Variants in NRROS observed in about 807,000 individuals in gnomAD.
NRROS encodes the protein negative regulator of reactive oxygen species.
In NRROS, 6 loss-of-function variants were observed where a neutral mutation model predicts 12.0. The observed-to-expected ratio is 0.50, with a 90% CI of 0.27 to 0.98. The LOEUF (loss-of-function observed/expected upper bound fraction) is 0.98, where lower values mean the gene tolerates loss of function less well. Ranked by LOEUF, NRROS falls within the 50% of genes least tolerant of loss-of-function variation. NRROS has a pLI of 0.11. For missense variants in NRROS, 857 were observed against 888.2 expected (o/e 0.96, Z 0.45); for synonymous variants, 462 against 410.2 (o/e 1.13, Z -1.53).
chr3:196,642,140 A>T (rs1012290789), intron 1 of NRROS, among the ~76,000 whole-genome samples: 18 of 152,168 alleles, frequency 1.2e-4, no homozygotes, highest in Admixed American at 2.6e-4. Context: ...GAAAGCTCAG[A>T]GACGTGAAGG....
rs1220539526 is a variant in NRROS at position 196,654,858 on chromosome 3, C to T, written c.108+211C>T. ...GGGAAGAGCCAGGCAGTCCCTGCCC[C>T]GCCGTTCTCACGCCTGCTGAGGATA... On this transcript the variant is annotated intron_variant, in intron 2 of 2. Transcript: ENST00000328557. The surrounding 1 kb of genome is among the most constrained non-coding windows in gnomAD (Gnocchi z 4.4). 14 of 543,472 alleles carry T rather than the reference C, an allele frequency of 2.6e-5. No individual in the cohort carries two copies. Among genetic ancestry groups the T allele is most frequent in the Middle Eastern group, 4.9e-4 (1 of 2,048 alleles). The allele number at this position is 543,472 out of a possible 1,614,324, so 33.7% of individuals were successfully genotyped here.
chr3:196,648,766 C>CAAAAAAAAAAAAA (rs34359599), intron 1 of NRROS, among the ~76,000 whole-genome samples: 1 of 74,814 alleles, frequency 1.3e-5, no homozygotes, highest in Non-Finnish European at 2.4e-5. Flanking sequence ...AACTCCATCT[C>CAAAAAAAAAAAAA]AAAAAAAAAA....
chr3:196,651,099 A>G (rs914998237), intron 1 of NRROS, among the ~76,000 whole-genome samples: 4 of 152,206 alleles, frequency 2.6e-5, no homozygotes, highest in African/African-American at 2.4e-5. Context: ...GGGATTTTGC[A>G]GAGAGATATG....
At position 196,660,927 on chromosome 3, in the gene NRROS, C is replaced by T. The variant is rs754736995; in HGVS notation, c.1284C>T (p.Ile428=). 6.2e-7 allele frequency: 1 copy of T among 1,614,234 alleles called. No individual in the cohort carries two copies. The highest frequency in any genetic ancestry group is 1.7e-5 in the Admixed American group (1 of 60,024). Residue 428 remains isoleucine, a synonymous_variant, in exon 3 of 3, where the codon ATC becomes ATT. Transcript: ENST00000328557. This position sits in a 1 kb window ranked among gnomAD's most constrained non-coding sequence, Gnocchi z 7.7. ...GCCTCTTCGCCAATGCTAGGAACAT[C>T]ACTACACTTGACATGAGCCACAATC... ...PPGLFANARN[I]TTLDMSHNQI... is the part of the protein sequence containing the mutation.
At position 196,660,008 on chromosome 3, in the gene NRROS, A is replaced by C. The variant is rs1282580444; in HGVS notation, c.365A>C (p.Glu122Ala). Residue 122 changes from glutamate (E) to alanine (A), a missense_variant, in exon 3 of 3, where the codon GAA (glutamate) becomes GCA (alanine). By Grantham distance (107) the Glu-to-Ala change is moderately radical. Transcript: ENST00000328557. This position sits in a 1 kb window ranked among gnomAD's most constrained non-coding sequence, Gnocchi z 7.7. ...LGDNCLSENY[E>A]ETAAALHALP... Reference sequence around the variant, plus strand: ...GACAACTGCCTCTCAGAGAACTACGAAGAGACGGCAGCCGCCCTCCACGCC... The same window carrying C: ...GACAACTGCCTCTCAGAGAACTACGCAGAGACGGCAGCCGCCCTCCACGCC... 1.2e-6 allele frequency: 2 copies of C among 1,613,518 alleles called. No individual in the cohort carries two copies. The highest frequency in any genetic ancestry group is 1.7e-6 in the Non-Finnish European group (2 of 1,179,956).
chr3:196,659,987 A>G lies in NRROS; in HGVS notation c.344A>G (p.Asn115Ser), dbSNP rs563388790. The part of the protein sequence containing the change: ...GHLRSLVLGD[N>S]CLSENYEETA... The stretch of plus-strand genomic sequence containing the variant: ...CTGCGCAGCCTGGTCCTGGGGGACA[A>G]CTGCCTCTCAGAGAACTACGAAGAG... Residue 115 changes from asparagine to serine, a missense_variant, in exon 3 of 3, where the codon AAC becomes AGC. By Grantham distance (46) the Asn-to-Ser change is conservative (BLOSUM62 1). Transcript: ENST00000328557. 5.6e-6 allele frequency: 9 copies of G among 1,613,626 alleles called. No homozygotes were observed. The highest frequency in any genetic ancestry group is 1.3e-5 in the African/African-American group (1 of 75,064).
At chr3:196,643,902 G>A (rs146375078) in intron 1 of NRROS, among the ~76,000 whole-genome samples, 101 of 152,272 alleles carry the variant, frequency 6.6e-4, no homozygotes, top group African/African-American at 2.3e-3. Context: ...AGACACCAAG[G>A]CTGAGCCTTT....
chr3:196,640,032 C>G (rs112857234), intron 1 of NRROS, among the ~76,000 whole-genome samples, 157 bp downstream of exon 1: 4 of 152,298 alleles, frequency 2.6e-5, no homozygotes, highest in African/African-American at 9.6e-5. Flanking sequence ...CAAGCGCCGC[C>G]GCTTTTGTGC....
At position 196,660,179 on chromosome 3, in the gene NRROS, G is replaced by A. The variant is rs1403678752; in HGVS notation, c.536G>A (p.Gly179Asp). The change falls in exon 3 of 3, where the codon GGC becomes GAC. Residue 179 changes from glycine (G) to aspartate (D), a missense_variant. Transcript: ENST00000328557. This position sits in a 1 kb window ranked among gnomAD's most constrained non-coding sequence, Gnocchi z 7.7. ...CGGCTGGACGACTCCGTCTTCGAGG[G>A]CCTGGAGCGTCTCCGGGAGCTGGAT... The part of the protein sequence containing the change: ...IMRLDDSVFE[G>D]LERLRELDLQ... 3 of 1,612,974 alleles carry A rather than the reference G, an allele frequency of 1.9e-6. No homozygotes were observed. In the African/African-American group the frequency reaches 4.0e-5, roughly 21 times the overall value.
chr3:196,657,073 G>A (rs1051587001), intron 2 of NRROS, among the ~76,000 whole-genome samples: 1 of 151,984 alleles, frequency 6.6e-6, no homozygotes, highest in Non-Finnish European at 1.5e-5. Context: ...GCATGGTGAC[G>A]GGCACCTGTG....
At chr3:196,653,025 T>C (rs1381715446) in intron 1 of NRROS, among the ~76,000 whole-genome samples, 2 of 152,220 alleles carry the variant, frequency 1.3e-5, no homozygotes, top group Non-Finnish European at 2.9e-5. Flanking sequence ...TATGCAGCCT[T>C]ATTTCATGGC....
chr3:196,659,652 C>T (rs1002169960), intron 2 of NRROS, 100 bp from the exon 3 acceptor site: 32 of 1,215,302 alleles, frequency 2.6e-5, no homozygotes, highest in East Asian at 2.5e-5. Context: ...GAGCCATCCC[C>T]GGCGGTTGCA....
At chr3:196,645,515 C>T (rs922130918) in intron 1 of NRROS, among the ~76,000 whole-genome samples, 5 of 152,090 alleles carry the variant, frequency 3.3e-5, no homozygotes, top group East Asian at 1.9e-4. Flanking sequence ...GTAAAGTACC[C>T]GGTATAGCCC....
At chr3:196,658,902 A>G (rs149973742) in intron 2 of NRROS, among the ~76,000 whole-genome samples, 5,768 of 152,246 alleles carry the variant, frequency 0.038, 161 homozygotes, top group African/African-American at 0.062. Context: ...CCCAGGAGGC[A>G]GAGATTGCAG....
intron 2 of NRROS, among the ~76,000 whole-genome samples, chr3:196,657,212 A>G (rs1737553585): frequency 6.6e-6 from 1 of 151,752 alleles, no homozygotes; most frequent in Non-Finnish European, 1.5e-5. Flanking sequence ...TCAAAAAAAA[A>G]AAAAAGAAAA....
At chr3:196,643,908 C>A (rs925167061) in intron 1 of NRROS, among the ~76,000 whole-genome samples, 1 of 152,196 alleles carries the variant, frequency 6.6e-6, no homozygotes, top group Non-Finnish European at 1.5e-5. Flanking sequence ...CAAGGCTGAG[C>A]CTTTTCCCTT....
chr3:196,648,504 C>T (rs775282596), intron 1 of NRROS, among the ~76,000 whole-genome samples: 7 of 152,086 alleles, frequency 4.6e-5, no homozygotes, highest in Non-Finnish European at 1.0e-4. Context: ...CAGTGGCTCA[C>T]GACTGTAATC....
At chr3:196,655,653 G>A (rs1737523964) in intron 2 of NRROS, among the ~76,000 whole-genome samples, 1 of 152,232 alleles carries the variant, frequency 6.6e-6, no homozygotes, top group Non-Finnish European at 1.5e-5. Context: ...TTGTGGACGA[G>A]TTGACCGCTA....
rs1400768478 is a variant in NRROS, at chr3:196,642,352, G to T, written c.-14+2477G>T. On this transcript the variant is annotated intron_variant, in intron 1 of 2. Coordinates refer to ENST00000328557, the MANE Select transcript of NRROS (RefSeq NM_198565.3). ...AAAAGTGTATGGGCAATAGTTTCAG[G>T]CATGGCTGAGTCCAGATGCTCAAAT... 3.3e-5 allele frequency among the ~76,000 whole-genome samples: 5 copies of T among 152,044 alleles called. No individual in the cohort carries two copies. The East Asian group carries it at 7.7e-4, about 23-fold the overall frequency.
Sources: gnomAD v4.1 joint callset for allele counts (sites outside exome capture counted in the v4.1 genomes callset) on GRCh38, gnomAD v4.1.1 for gene constraint, Gnocchi (gnomAD v3.1) non-coding constraint, MANE v1.5 for transcripts, NCBI Gene and HGNC (gene_info 2026-07-23, HGNC 2026-07-21) for gene names.